PXK: variants seen among roughly 807,000 people sequenced by gnomAD.
The protein encoded by PXK is PX domain containing serine/threonine kinase like, also known as PX domain-containing protein kinase-like protein.
Under a neutral mutation model 84.7 loss-of-function variants are expected in PXK, and 35 were observed. The ratio of observed to expected loss-of-function variants is 0.41; its 90% CI spans 0.32 to 0.55. PXK has a LOEUF of 0.55. Among genes scored for constraint, PXK ranks in the 20% least tolerant of loss-of-function variants. PXK has a pLI of 0.21. For missense variants in PXK, 634 were observed against 699.7 expected (o/e 0.91, Z 1.06); for synonymous variants, 253 against 260.8 (o/e 0.97, Z 0.29).
At chr3:58,359,609 AT>A (rs1224735338) in intron 1 of PXK, among the ~76,000 whole-genome samples, 1 of 152,036 alleles carries the variant, frequency 6.6e-6, no homozygotes, top group East Asian at 1.9e-4. Context: ...GTGATTTAAC[AT>A]TTTTTCCCTC....
intron 1 of PXK, among the ~76,000 whole-genome samples, chr3:58,355,164 G>T (rs539051062): frequency 6.6e-6 from 1 of 151,146 alleles, no homozygotes; most frequent in Non-Finnish European, 1.5e-5. Context: ...CAGAAGACCC[G>T]CTAATGCCTG....
In PXK at chr3:58,369,486, T is replaced by A. The variant is rs758867098; in HGVS notation, c.201+8T>A. The A allele has an allele frequency of 5.0e-5, 81 of 1,604,246 alleles. No homozygotes were observed. The highest frequency in any genetic ancestry group is 6.7e-5 in the Non-Finnish European group (79 of 1,171,468). On this transcript the variant is annotated splice_region_variant and intron_variant, in intron 3 of 17. Coordinates refer to ENST00000356151, the MANE Select transcript of PXK (RefSeq NM_017771.5). ...CTTAACAACAGCTTACAGGTAAATG[T>A]TTTGAAATTCTAATTACACACATTG...
chr3:58,411,690 C>T lies in PXK; in HGVS notation c.1466-1211C>T, dbSNP rs927404352. ...AGGACTCAAGGACTTCAGGATACCC[C>T]AGTGCCCTCAGGAGTTTAGGAAAAT... is the stretch of plus-strand genomic sequence containing the variant. On this transcript the variant is annotated intron_variant, in intron 16 of 17. Transcript: ENST00000356151. The surrounding 1 kb of genome is among the most constrained non-coding windows in gnomAD (Gnocchi z 4.2). 1.1e-4 allele frequency among the ~76,000 whole-genome samples: 16 copies of T among 152,130 alleles called. No homozygotes were observed. The highest frequency in any genetic ancestry group is 3.9e-4 in the African/African-American group (16 of 41,428).
Position 58,333,165 on chromosome 3 carries a change from G to A in PXK, c.102+75G>A. 4.6e-6 allele frequency: 4 copies of A among 866,414 alleles called. No individual in the cohort carries two copies. Among genetic ancestry groups the A allele is most frequent in the East Asian group, 1.1e-4 (1 of 9,142 alleles). 53.7% of individuals were successfully genotyped at this position (866,414 alleles called of 1,614,324 possible). ...GAGGGGGCTGCGGGCTGCCTGGCGC[G>A]GGCCGGGCAGGGTCGTCGGACGGAG... is the stretch of plus-strand genomic sequence containing the variant. On this transcript the variant is annotated intron_variant, in intron 1 of 17. Coordinates refer to ENST00000356151, the MANE Select transcript of PXK (RefSeq NM_017771.5). This position sits in a 1 kb window ranked among gnomAD's most constrained non-coding sequence, Gnocchi z 5.4.
At position 58,414,208 on chromosome 3, in the gene PXK, A is replaced by G. The variant is rs1346103867; in HGVS notation, c.1528+1245A>G. ...CCCGGACTATATTAAGCCATTTTCT[A>G]GAAGATAGGATATTAATTTAACACC... On this transcript the variant is annotated intron_variant, in intron 17 of 17. Coordinates refer to ENST00000356151, the MANE Select transcript of PXK (RefSeq NM_017771.5). This position sits in a 1 kb window ranked among gnomAD's most constrained non-coding sequence, Gnocchi z 4.5. 1.3e-5 allele frequency: 2 copies of G among 152,184 alleles called. No homozygotes were observed. The highest frequency in any genetic ancestry group is 4.8e-5 in the African/African-American group (2 of 41,444). The allele number at this position is 152,184 out of a possible 1,614,324, so 9.4% of individuals were successfully genotyped here.
chr3:58,369,834 A>C (rs965299796), intron 3 of PXK, among the ~76,000 whole-genome samples: 6 of 151,958 alleles, frequency 3.9e-5, no homozygotes, highest in Non-Finnish European at 8.8e-5. Context: ...CAAAAAAAAA[A>C]AAAAAAACAA....
intron 1 of PXK, among the ~76,000 whole-genome samples, chr3:58,358,949 C>T (rs1381918933): frequency 6.6e-6 from 1 of 152,084 alleles, no homozygotes; most frequent in Non-Finnish European, 1.5e-5. Flanking sequence ...TTTTTTTAAT[C>T]TAAATTATAT....
chr3:58,399,164 C>G lies in PXK; in HGVS notation c.1103-135C>G, dbSNP rs962550730. The stretch of plus-strand genomic sequence containing the variant: ...CCCCCACCCCACGTATGCCATCTGT[C>G]TGTGTGTGAAGATTTTTGACACTGT... On this transcript the variant is annotated intron_variant, in intron 11 of 17. Transcript: ENST00000356151. The surrounding 1 kb of genome is among the most constrained non-coding windows in gnomAD (Gnocchi z 4.3). 2 of 735,274 alleles carry G rather than the reference C, an allele frequency of 2.7e-6. No homozygotes were observed. The highest frequency in any genetic ancestry group is 3.5e-5 in the African/African-American group (2 of 57,724). The allele number at this position is 735,274 out of a possible 1,614,324, so 45.5% of individuals were successfully genotyped here. A position where few individuals can be genotyped will look rare whatever the true frequency, so the allele number is the denominator to read the frequency against.
chr3:58,405,314 A>T (rs930436583), intron 13 of PXK, among the ~76,000 whole-genome samples: 2 of 152,150 alleles, frequency 1.3e-5, no homozygotes, highest in African/African-American at 2.4e-5. Flanking sequence ...AATAATAAAG[A>T]CAAAAAGTTC....
chr3:58,423,379 GTCTT>G, intron 17 of PXK: 2 of 1,493,774 alleles, frequency 1.3e-6, no homozygotes, highest in South Asian at 1.2e-5. Flanking sequence ...TCTGTATTTA[GTCTT>G]TATTTGTATT....
intron 3 of PXK, among the ~76,000 whole-genome samples, chr3:58,381,766 G>A (rs62258080): frequency 0.28 from 42,439 of 151,782 alleles, 6,935 homozygotes; most frequent in Middle Eastern, 0.39. Flanking sequence ...TCCATAATGG[G>A]AAATCTACAG....
At chr3:58,418,669 T>G (rs2061362104) in intron 17 of PXK, among the ~76,000 whole-genome samples, 1 of 152,248 alleles carries the variant, frequency 6.6e-6, no homozygotes, top group Admixed American at 6.5e-5. Flanking sequence ...TGGCGAGGCT[T>G]TATAAGCGGT....
intron 7 of PXK, among the ~76,000 whole-genome samples, chr3:58,394,639 G>A (rs1357966211): frequency 6.6e-6 from 1 of 152,098 alleles, no homozygotes; most frequent in Admixed American, 6.6e-5. Context: ...TACAGAGACA[G>A]GATATTAACA....
intron 4 of PXK, among the ~76,000 whole-genome samples, chr3:58,386,313 T>TTTTTTTTTTTTTA (rs1476600924): frequency 7.3e-6 from 1 of 137,764 alleles, no homozygotes; most frequent in African/African-American, 2.9e-5. Flanking sequence ...TTTTTTTTTT[T>TTTTTTTTTTTTTA]GAGACAGAAT....
Position 58,390,433 on chromosome 3 carries a change from T to C in PXK, c.389-149T>C. The C allele has an allele frequency of 2.1e-6, 1 of 468,012 alleles. No homozygotes were observed. The highest frequency in any genetic ancestry group is 3.6e-6 in the Non-Finnish European group (1 of 275,530). 29.0% of individuals were successfully genotyped at this position (468,012 alleles called of 1,614,324 possible). A position where few individuals can be genotyped will look rare whatever the true frequency, so the allele number is the denominator to read the frequency against. ...CACATTGCATTTAGTTTGTGTGTAT[T>C]TTCTTTCTTTATTATTATTTTTTTT... is the stretch of plus-strand genomic sequence containing the variant. On this transcript the variant is annotated intron_variant, in intron 4 of 17. Coordinates refer to ENST00000356151, the MANE Select transcript of PXK (RefSeq NM_017771.5). This position sits in a 1 kb window ranked among gnomAD's most constrained non-coding sequence, Gnocchi z 4.2.
At chr3:58,350,390 A>G (rs541838465) in intron 1 of PXK, among the ~76,000 whole-genome samples, 1 of 152,150 alleles carries the variant, frequency 6.6e-6, no homozygotes, top group South Asian at 2.1e-4. Flanking sequence ...ATAGTAACTC[A>G]TATTCTCCAG....
At chr3:58,350,910 A>G (rs1404021921) in intron 1 of PXK, among the ~76,000 whole-genome samples, 1 of 152,178 alleles carries the variant, frequency 6.6e-6, no homozygotes, top group Non-Finnish European at 1.5e-5. Context: ...ACGTTATCCT[A>G]AGTGATGGTG....
At chr3:58,336,664 T>C (rs1055975925) in intron 1 of PXK, among the ~76,000 whole-genome samples, 1 of 152,174 alleles carries the variant, frequency 6.6e-6, no homozygotes, top group Non-Finnish European at 1.5e-5. Flanking sequence ...GGGAAAACTT[T>C]TTAAAGTTAG....
intron 12 of PXK, among the ~76,000 whole-genome samples, chr3:58,402,478 G>T (rs1335333252): frequency 6.6e-6 from 1 of 150,470 alleles, no homozygotes; most frequent in Non-Finnish European, 1.5e-5. Flanking sequence ...CACCCAGGCT[G>T]GAGTGCAGTG....
Sources: gnomAD v4.1 joint callset for allele counts (sites outside exome capture counted in the v4.1 genomes callset) on GRCh38, gnomAD v4.1.1 for gene constraint, Gnocchi (gnomAD v3.1) non-coding constraint, MANE v1.5 for transcripts, NCBI Gene and HGNC (gene_info 2026-07-23, HGNC 2026-07-21) for gene names.